The following PHF2 variants were observed in gnomAD, a reference collection of about 807,000 sequenced individuals.
PHF2 encodes the protein PHD finger protein 2, also known as lysine-specific demethylase PHF2.
PHF2 carries 27 observed loss-of-function variants against 120.5 expected under a neutral mutation model. That is an observed-to-expected ratio of 0.22 (90% CI 0.17 to 0.31). The LOEUF (loss-of-function observed/expected upper bound fraction) is 0.31, where lower values mean the gene tolerates loss of function less well. Among genes scored for constraint, PHF2 ranks in the 10% least tolerant of loss-of-function variants. The pLI, the probability that PHF2 is intolerant of heterozygous loss-of-function variation, is 1.00. For missense variants in PHF2, 1,024 were observed against 1,434.8 expected (o/e 0.71, Z 4.63); for synonymous variants, 568 against 592.5 (o/e 0.96, Z 0.60).
intron 4 of PHF2, among the ~76,000 whole-genome samples, chr9:93,646,828 G>C (rs139542444): frequency 6.6e-6 from 1 of 152,160 alleles, no homozygotes. Flanking sequence ...GTAGCTGTCA[G>C]ACATCTCGGA....
chr9:93,621,682 G>A (rs1212403660), intron 1 of PHF2, among the ~76,000 whole-genome samples: 5 of 152,174 alleles, frequency 3.3e-5, no homozygotes, highest in African/African-American at 1.2e-4. Context: ...TGTGCTGGCC[G>A]TGCACGTTCT....
intron 1 of PHF2, among the ~76,000 whole-genome samples, chr9:93,588,155 G>A (rs2131602096): frequency 6.6e-6 from 1 of 152,350 alleles, no homozygotes; most frequent in South Asian, 2.1e-4. Flanking sequence ...ACAGCTCTGC[G>A]GACCTGTTTA....
intron 1 of PHF2, among the ~76,000 whole-genome samples, chr9:93,615,807 G>A (rs1825721459): frequency 6.6e-6 from 1 of 152,214 alleles, no homozygotes; most frequent in South Asian, 2.1e-4. Context: ...CTGGTTTGGA[G>A]ACAGGGGTCC....
intron 4 of PHF2, 90 bp from the exon 5 acceptor site, chr9:93,648,981 C>T (rs2117895063): frequency 6.2e-6 from 9 of 1,449,874 alleles, no homozygotes; most frequent in Non-Finnish European, 8.5e-6. Context: ...TGAGGGCAGC[C>T]AAGAGTGTGT....
intron 17 of PHF2, among the ~76,000 whole-genome samples, chr9:93,671,653 TGTG>T (rs1408876951): frequency 2.2e-5 from 3 of 138,554 alleles, no homozygotes; most frequent in African/African-American, 8.1e-5. Flanking sequence ...TAGATGCAGT[TGTG>T]GGTGTGGATG....
At chr9:93,599,093 C>T (rs1016188527) in intron 1 of PHF2, among the ~76,000 whole-genome samples, 2 of 152,210 alleles carry the variant, frequency 1.3e-5, no homozygotes, top group East Asian at 3.9e-4. Context: ...CCGTGTCCAT[C>T]TCCATGGGTG....
At chr9:93,605,592 G>C (rs1825527773) in intron 1 of PHF2, among the ~76,000 whole-genome samples, 1 of 152,180 alleles carries the variant, frequency 6.6e-6, no homozygotes, top group Non-Finnish European at 1.5e-5. Flanking sequence ...TCATGTAGTA[G>C]ACATTCTGTC....
At chr9:93,617,637 A>G (rs1825750131) in intron 1 of PHF2, among the ~76,000 whole-genome samples, 1 of 152,176 alleles carries the variant, frequency 6.6e-6, no homozygotes. Flanking sequence ...AGAGGGACAG[A>G]ACTAATAGAT....
At chr9:93,598,716 T>A (rs1262457851) in intron 1 of PHF2, among the ~76,000 whole-genome samples, 2 of 152,060 alleles carry the variant, frequency 1.3e-5, no homozygotes, top group Admixed American at 1.3e-4. Context: ...CTTTGACCAT[T>A]TTTCCTCAGT....
intron 1 of PHF2, among the ~76,000 whole-genome samples, chr9:93,614,538 G>A (rs997097792): frequency 2.0e-5 from 3 of 152,232 alleles, no homozygotes; most frequent in African/African-American, 4.8e-5. Flanking sequence ...GCTGGACAGA[G>A]GCTGCCCAGC....
At chr9:93,592,673 T>C (rs1336605613) in intron 1 of PHF2, among the ~76,000 whole-genome samples, 1 of 152,158 alleles carries the variant, frequency 6.6e-6, no homozygotes, top group Non-Finnish European at 1.5e-5. Flanking sequence ...ACCTGAGGTG[T>C]AACTGGGGTA....
At chr9:93,581,273 G>C (rs1459138321) in intron 1 of PHF2, among the ~76,000 whole-genome samples, 1 of 152,220 alleles carries the variant, frequency 6.6e-6, no homozygotes, top group Admixed American at 6.5e-5. Context: ...ACCAGGCGGG[G>C]CTGTGGCCTC....
chr9:93,663,726 CACACACACATT>C, intron 14 of PHF2, 91 bp downstream of exon 14: 1 of 712,282 alleles, frequency 1.4e-6, no homozygotes, highest in Non-Finnish European at 2.5e-6. Context: ...TGCCTTATAC[CACACACACATT>C]ACACACACAC....
At chr9:93,642,089 T>C (rs1375496984) in intron 3 of PHF2, among the ~76,000 whole-genome samples, 2 of 152,230 alleles carry the variant, frequency 1.3e-5, no homozygotes, top group Non-Finnish European at 2.9e-5. Context: ...CAGTTGATTG[T>C]GGGTGTTAAG....
At chr9:93,649,555 T>C (rs1163863505) in intron 5 of PHF2, among the ~76,000 whole-genome samples, 1 of 152,066 alleles carries the variant, frequency 6.6e-6, no homozygotes, top group Non-Finnish European at 1.5e-5. Context: ...TAACAATGTG[T>C]AGTTTTTTCC....
chr9:93,654,715 A>G, intron 7 of PHF2, 140 bp downstream of exon 7: 2 of 847,768 alleles, frequency 2.4e-6, no homozygotes, highest in Non-Finnish European at 1.9e-6. Flanking sequence ...TCCTGAGCAT[A>G]TGAAGTGGAA....
At chr9:93,669,538 C>T (rs3750361) in intron 17 of PHF2, among the ~76,000 whole-genome samples, 73,961 of 152,110 alleles carry the variant, frequency 0.49, 18,296 homozygotes, top group Non-Finnish European at 0.51. Flanking sequence ...CTCAATCCTG[C>T]TCAGTCCCTG....
chr9:93,660,156 G>A (rs764026220), intron 11 of PHF2, 36 bp from the exon 12 acceptor site: 4 of 1,501,436 alleles, frequency 2.7e-6, no homozygotes, highest in Non-Finnish European at 3.5e-6. Context: ...CAGTTTGGCA[G>A]AAGCAGCATG....
chr9:93,613,560 CT>C (rs201420565), intron 1 of PHF2, among the ~76,000 whole-genome samples: 39,168 of 128,686 alleles, frequency 0.3, 5,241 homozygotes, highest in South Asian at 0.55. Flanking sequence ...TTTTCTTTTT[CT>C]TTTTTTTTTT....
Sources: allele counts gnomAD v4.1 joint callset (sites outside exome capture counted in the v4.1 genomes callset), GRCh38; gene constraint gnomAD v4.1.1; transcripts MANE v1.5; gene names NCBI Gene and HGNC (gene_info 2026-07-23, HGNC 2026-07-21).